Variants in GORASP1 observed in about 807,000 individuals in gnomAD.
GORASP1 encodes the protein Golgi reassembly-stacking protein 1.
A neutral mutation model predicts 37.7 loss-of-function variants in GORASP1; 31 were observed. The ratio of observed to expected loss-of-function variants is 0.82; its 90% CI spans 0.62 to 1.11. The LOEUF is 1.11. Ranked by LOEUF, GORASP1 falls within the 50% of genes least tolerant of loss-of-function variation. The probability of loss-of-function intolerance (pLI) is 0.00; values close to 1 mark genes in which losing one functional copy is unlikely to be tolerated. For synonymous variants in GORASP1, 204 were observed against 224.8 expected, an observed-to-expected ratio of 0.91 and a Z score of 0.83; for missense variants, 476 against 560.7, an observed-to-expected ratio of 0.85 and a Z score of 1.53.
rs2035385635 is a variant in GORASP1 at position 39,097,015 on chromosome 3, G to A, written c.*1221C>T. The A allele has an allele frequency of 6.6e-6, 1 of 152,376 alleles. No homozygotes were observed. Among genetic ancestry groups the A allele is most frequent in the African/African-American group, 2.4e-5 (1 of 41,582 alleles). The allele number at this position is 152,376 out of a possible 1,614,324, so 9.4% of individuals were successfully genotyped here. A position where few individuals can be genotyped will look rare whatever the true frequency, so the allele number is the denominator to read the frequency against. On this transcript the variant is annotated 3_prime_UTR_variant, in exon 9 of 9. Transcript: ENST00000319283. The stretch of plus-strand genomic sequence containing the variant: ...TCACTGTTATGCACACGTATCAGCT[G>A]CTCTGGTAGGCTTGACAAGGGTTTG...
rs2035840043 is a variant in GORASP1, at chr3:39,103,373, A to T, written c.144+100T>A. 1.1e-6 allele frequency: 1 copy of T among 887,580 alleles called. No homozygotes were observed. Among genetic ancestry groups the T allele is most frequent in the South Asian group, 1.6e-5 (1 of 61,944 alleles). The allele number at this position is 887,580 out of a possible 1,614,324, so 55.0% of individuals were successfully genotyped here. On this transcript the variant is annotated intron_variant, in intron 2 of 8. Transcript: ENST00000319283. This position sits in a 1 kb window ranked among gnomAD's most constrained non-coding sequence, Gnocchi z 5.2. ...AGACAGGGCTGGGACTCCCTTTAGAAAAAAAGGGAGGGAAGGGTAGACTGG... is the reference window on the plus strand; with the variant it reads ...AGACAGGGCTGGGACTCCCTTTAGATAAAAAGGGAGGGAAGGGTAGACTGG...
chr3:39,100,232 G>A lies in GORASP1; in HGVS notation c.765+73C>T. On this transcript the variant is annotated intron_variant, in intron 6 of 8. Coordinates refer to ENST00000319283, the MANE Select transcript of GORASP1 (RefSeq NM_031899.4). The surrounding 1 kb of genome is among the most constrained non-coding windows in gnomAD (Gnocchi z 4.6). ...TCAGATCACAAAGGCCCCTGGTGAG[G>A]GTTGCTGATGGCTCCCCAAGGGCAG... 7.5e-7 allele frequency: 1 copy of A among 1,335,150 alleles called. No individual in the cohort carries two copies. Among genetic ancestry groups the A allele is most frequent in the Admixed American group, 1.7e-5 (1 of 58,584 alleles). The allele number at this position is 1,335,150 out of a possible 1,614,324, so 82.7% of individuals were successfully genotyped here. A position where few individuals can be genotyped will look rare whatever the true frequency, so the allele number is the denominator to read the frequency against.
rs1392518909 is a variant in GORASP1, at chr3:39,105,811, C to G, written c.63+1668G>C. On this transcript the variant is annotated intron_variant, in intron 1 of 8. Coordinates refer to ENST00000319283, the MANE Select transcript of GORASP1 (RefSeq NM_031899.4). The surrounding 1 kb of genome is among the most constrained non-coding windows in gnomAD (Gnocchi z 5.4). ...AAGGTCCTACACGGTCTGCTCTGGT[C>G]TCCTCCTCACACTGGCCACACCATC... Among the ~76,000 whole-genome samples the G allele has an allele frequency of 1.3e-5, 2 of 152,158 alleles. No individual in the cohort carries two copies. The highest frequency in any genetic ancestry group is 2.9e-5 in the Non-Finnish European group (2 of 68,034).
chr3:39,099,152 G>T lies in GORASP1; in HGVS notation c.916+201C>A, dbSNP rs754854283. 1.9e-5 allele frequency: 15 copies of T among 799,870 alleles called. No homozygotes were observed. In the African/African-American group the frequency reaches 2.4e-4, roughly 13 times the overall value. 49.5% of individuals were successfully genotyped at this position (799,870 alleles called of 1,614,324 possible). A position where few individuals can be genotyped will look rare whatever the true frequency, so the allele number is the denominator to read the frequency against. On this transcript the variant is annotated intron_variant, in intron 7 of 8. Coordinates refer to ENST00000319283, the MANE Select transcript of GORASP1 (RefSeq NM_031899.4). ...GACTCTGCTCTGTGTCCAATTTGCTGTGTGACCTGAAGGAGGCTACCTCTC... is the reference window on the plus strand; with the variant it reads ...GACTCTGCTCTGTGTCCAATTTGCTTTGTGACCTGAAGGAGGCTACCTCTC...
At position 39,103,178 on chromosome 3, in the gene GORASP1, C is replaced by T; in HGVS notation, c.144+295G>A. ...CATTCCAGTGCTGCCCCACTCTGAGCTGCCCCTTGGCCAGGGCCCTCATAT... is the reference window on the plus strand; with the variant it reads ...CATTCCAGTGCTGCCCCACTCTGAGTTGCCCCTTGGCCAGGGCCCTCATAT... On this transcript the variant is annotated intron_variant, in intron 2 of 8. Transcript: ENST00000319283. The surrounding 1 kb of genome is among the most constrained non-coding windows in gnomAD (Gnocchi z 5.2). The T allele has an allele frequency of 3.4e-6, 2 of 591,078 alleles. No homozygotes were observed. The highest frequency in any genetic ancestry group is 3.0e-6 in the Non-Finnish European group (1 of 331,846). The allele number at this position is 591,078 out of a possible 1,614,324, so 36.6% of individuals were successfully genotyped here. A position where few individuals can be genotyped will look rare whatever the true frequency, so the allele number is the denominator to read the frequency against.
Position 39,102,996 on chromosome 3 carries a change from G to A in GORASP1, c.145-115C>T, listed in dbSNP as rs1375804318. 8 of 988,276 alleles carry A rather than the reference G, an allele frequency of 8.1e-6. No homozygotes were observed. The highest frequency in any genetic ancestry group is 2.7e-5 in the South Asian group (2 of 74,838). The allele number at this position is 988,276 out of a possible 1,614,324, so 61.2% of individuals were successfully genotyped here. A position where few individuals can be genotyped will look rare whatever the true frequency, so the allele number is the denominator to read the frequency against. ...TTAGTGGGCAGCAGCCCTCAGCAGG[G>A]TCACTGTGGGGATGGGCCAAGGTAG... On this transcript the variant is annotated intron_variant, in intron 2 of 8. Coordinates refer to ENST00000319283, the MANE Select transcript of GORASP1 (RefSeq NM_031899.4). This position sits in a 1 kb window ranked among gnomAD's most constrained non-coding sequence, Gnocchi z 5.0.
intron 1 of GORASP1, among the ~76,000 whole-genome samples, chr3:39,106,738 C>CA (rs2125714941): frequency 1.3e-5 from 2 of 152,226 alleles, no homozygotes; most frequent in South Asian, 4.2e-4. Flanking sequence ...ACCGCAGGCA[C>CA]AAATCTCCAT....
chr3:39,100,733 A>G lies in GORASP1; in HGVS notation c.566+14T>C. On this transcript the variant is annotated intron_variant, in intron 5 of 8. Transcript: ENST00000319283. The surrounding 1 kb of genome is among the most constrained non-coding windows in gnomAD (Gnocchi z 4.6). ...ACCCACCTGGCCCTGCAGCCCTCCA[A>G]CCCCACGAAGTACCTGCCCTCTCCA... 6.2e-7 allele frequency: 1 copy of G among 1,612,542 alleles called. No homozygotes were observed. Among genetic ancestry groups the G allele is most frequent in the Non-Finnish European group, 8.5e-7 (1 of 1,179,814 alleles).
rs201574508 is a variant in GORASP1, at chr3:39,100,711, C to G, written c.566+36G>C. On this transcript the variant is annotated intron_variant, in intron 5 of 8. Coordinates refer to ENST00000319283, the MANE Select transcript of GORASP1 (RefSeq NM_031899.4). This position sits in a 1 kb window ranked among gnomAD's most constrained non-coding sequence, Gnocchi z 4.6. Reference sequence around the variant, plus strand: ...CCATGCCCAATGGTCAGGCCCCACCCACCTGGCCCTGCAGCCCTCCAACCC... The same window carrying G: ...CCATGCCCAATGGTCAGGCCCCACCGACCTGGCCCTGCAGCCCTCCAACCC... The G allele has an allele frequency of 1.2e-6, 2 of 1,608,974 alleles. No individual in the cohort carries two copies. Among genetic ancestry groups the G allele is most frequent in the South Asian group, 2.2e-5 (2 of 90,668 alleles).
chr3:39,098,197 C>T lies in GORASP1; in HGVS notation c.*39G>A, dbSNP rs1357615246. ...GGGCTGCCTGCCCACATCTGGGCCT[C>T]ATGAAATGTCATCATGGGCCTTGTC... On this transcript the variant is annotated 3_prime_UTR_variant, in exon 9 of 9. Coordinates refer to ENST00000319283, the MANE Select transcript of GORASP1 (RefSeq NM_031899.4). The surrounding 1 kb of genome is among the most constrained non-coding windows in gnomAD (Gnocchi z 4.7). The T allele has an allele frequency of 6.2e-7, 1 of 1,600,490 alleles. No homozygotes were observed. Among genetic ancestry groups the T allele is most frequent in the Non-Finnish European group, 8.5e-7 (1 of 1,172,680 alleles).
At chr3:39,107,416 G>A in intron 1 of GORASP1, 63 bp downstream of exon 1, 1 of 1,111,606 alleles carries the variant, frequency 9.0e-7, no homozygotes, top group Non-Finnish European at 1.1e-6. Context: ...CCGGCGACCG[G>A]ACGCCCGGGC....
chr3:39,101,237 A>G (rs1281018367), intron 3 of GORASP1, 135 bp from the exon 4 acceptor site: 9 of 745,362 alleles, frequency 1.2e-5, no homozygotes, highest in Non-Finnish European at 1.6e-5. Flanking sequence ...CTTCAAGCCC[A>G]TACTCCCTCA....
At position 39,099,450 on chromosome 3, in the gene GORASP1, C is replaced by T; in HGVS notation, c.819G>A (p.Gly273=). The T allele has an allele frequency of 6.2e-7, 1 of 1,611,384 alleles. No homozygotes were observed. Among genetic ancestry groups the T allele is most frequent in the Non-Finnish European group, 8.5e-7 (1 of 1,178,914 alleles). The change falls in exon 7 of 9, where the codon GGG becomes GGA. Residue 273 remains glycine (G), a synonymous_variant. Coordinates refer to ENST00000319283, the MANE Select transcript of GORASP1 (RefSeq NM_031899.4). ...GGTCTGGAGCACTGTGGCTGGGACT[C>T]CCAGGCCCAGGAAGGGGATCCTCCA... is the stretch of plus-strand genomic sequence containing the variant. ...SSMEDPLPGP[G]SPSHSAPDPD... is the part of the protein sequence containing the mutation.
rs1575453004 is a variant in GORASP1 at position 39,099,512 on chromosome 3, G to A, written c.766-9C>T. On this transcript the variant is annotated splice_polypyrimidine_tract_variant and intron_variant, in intron 6 of 8. Transcript: ENST00000319283. The stretch of plus-strand genomic sequence containing the variant: ...GGTGCCTGCAGCAGGGCCTAGGAAA[G>A]AAGAAGAAATGGGTAGGGGACAATC... The A allele has an allele frequency of 3.0e-5, 49 of 1,607,288 alleles. No individual in the cohort carries two copies. The highest frequency in any genetic ancestry group is 4.1e-5 in the Non-Finnish European group (48 of 1,177,272).
Position 39,096,622 on chromosome 3 carries a change from CTG to C in GORASP1, c.*1612_*1613del, listed in dbSNP as rs2035352656. 6.6e-6 allele frequency: 1 copy of C among 152,152 alleles called. No individual in the cohort carries two copies. The highest frequency in any genetic ancestry group is 6.5e-5 in the Admixed American group (1 of 15,280). The allele number at this position is 152,152 out of a possible 1,614,324, so 9.4% of individuals were successfully genotyped here. A position where few individuals can be genotyped will look rare whatever the true frequency, so the allele number is the denominator to read the frequency against. Reference sequence around the variant, plus strand: ...TCTGCAATGCCAAAAGGGTAAAAATCTGTATTTCACAGTTGTATAGAATAAAG... The same window carrying C: ...TCTGCAATGCCAAAAGGGTAAAAATCTATTTCACAGTTGTATAGAATAAAG... On this transcript the variant is annotated 3_prime_UTR_variant, in exon 9 of 9. Coordinates refer to ENST00000319283, the MANE Select transcript of GORASP1 (RefSeq NM_031899.4).
Position 39,103,646 on chromosome 3 carries a change from T to C in GORASP1, c.64-93A>G. The C allele has an allele frequency of 1.1e-6, 1 of 903,452 alleles. No homozygotes were observed. The highest frequency in any genetic ancestry group is 1.7e-6 in the Non-Finnish European group (1 of 584,994). 56.0% of individuals were successfully genotyped at this position (903,452 alleles called of 1,614,324 possible). On this transcript the variant is annotated intron_variant, in intron 1 of 8. Transcript: ENST00000319283. This position sits in a 1 kb window ranked among gnomAD's most constrained non-coding sequence, Gnocchi z 5.2. ...TTTCAGGAACCATCAGCACTCCCAGTGTGCCAGCCAGAACACATGTCTGGC... is the reference window on the plus strand; with the variant it reads ...TTTCAGGAACCATCAGCACTCCCAGCGTGCCAGCCAGAACACATGTCTGGC...
chr3:39,101,700 C>T (rs2035730181), intron 3 of GORASP1: 12 of 400,748 alleles, frequency 3.0e-5, no homozygotes, highest in Middle Eastern at 7.1e-4. Flanking sequence ...CATCATCAGT[C>T]CCCTTTCCCT....
At position 39,100,387 on chromosome 3, in the gene GORASP1, G is replaced by A. The variant is rs1259873334; in HGVS notation, c.683C>T (p.Pro228Leu). 10 of 1,614,070 alleles carry A rather than the reference G, an allele frequency of 6.2e-6. No homozygotes were observed. The highest frequency in any genetic ancestry group is 8.5e-6 in the Non-Finnish European group (10 of 1,179,986). The change falls in exon 6 of 9, where the codon CCA becomes CTA. Residue 228 changes from proline to leucine, a missense_variant. Transcript: ENST00000319283. The surrounding 1 kb of genome is among the most constrained non-coding windows in gnomAD (Gnocchi z 4.6). ...GGGTCCAGGTGGTAGAGCATCAGGT[G>A]GTGGGGCACCAAGTGGTAGAGCAGA... Reference protein sequence around the residue: ...PPSALPLGAPPPDALPPGPTP... With the variant: ...PPSALPLGAPLPDALPPGPTP...
At position 39,100,874 on chromosome 3, in the gene GORASP1, C is replaced by T. The variant is rs565325349; in HGVS notation, c.439G>A (p.Glu147Lys). 7.4e-6 allele frequency: 12 copies of T among 1,614,172 alleles called. No individual in the cohort carries two copies. Among genetic ancestry groups the T allele is most frequent in the East Asian group, 2.2e-5 (1 of 44,880 alleles). The change falls in exon 5 of 9, where the codon GAG (glutamate) becomes AAG (lysine). Residue 147 changes from glutamate to lysine, a missense_variant. Transcript: ENST00000319283. The surrounding 1 kb of genome is among the most constrained non-coding windows in gnomAD (Gnocchi z 4.6). The part of the protein sequence containing the change: ...VGSDQILQES[E>K]DFFTLIESHE... ...GACTCGATGAGCGTAAAGAAGTCCTCGGACTGTGAGAAACGCATAGCACCT... is the reference window on the plus strand; with the variant it reads ...GACTCGATGAGCGTAAAGAAGTCCTTGGACTGTGAGAAACGCATAGCACCT...
Sources: gnomAD v4.1 joint callset for allele counts (sites outside exome capture counted in the v4.1 genomes callset) on GRCh38, gnomAD v4.1.1 for gene constraint, Gnocchi (gnomAD v3.1) non-coding constraint, MANE v1.5 for transcripts, NCBI Gene and HGNC (gene_info 2026-07-23, HGNC 2026-07-21) for gene names.